FARS2: variants seen among roughly 807,000 people sequenced by gnomAD.
FARS2 encodes the protein phenylalanyl-tRNA synthetase 2, mitochondrial, also known as phenylalanine--tRNA ligase, mitochondrial.
FARS2 carries 40 observed loss-of-function variants against 46.4 expected under a neutral mutation model. The observed-to-expected ratio is 0.86, with a 90% CI of 0.67 to 1.12. The LOEUF (loss-of-function observed/expected upper bound fraction) is 1.12, where lower values mean the gene tolerates loss of function less well. Among genes scored for constraint, FARS2 ranks in the 50% most tolerant of loss-of-function variants. FARS2 has a pLI of 0.00. For synonymous variants in FARS2, 234 were observed against 214.9 expected (o/e 1.09, Z -0.78); for missense variants, 513 against 567.9 (o/e 0.90, Z 0.98).
intron 1 of FARS2, among the ~76,000 whole-genome samples, chr6:5,331,104 A>T (rs946419704): frequency 2.3e-5 from 2 of 87,102 alleles, no homozygotes; most frequent in South Asian, 2.7e-4. Context: ...AACTCCGTTT[A>T]AAAAAAAAAA....
intron 6 of FARS2, among the ~76,000 whole-genome samples, chr6:5,621,038 C>G (rs1775747142): frequency 6.6e-6 from 1 of 152,212 alleles, no homozygotes; most frequent in South Asian, 2.1e-4. Context: ...CCAATTGATT[C>G]TTGAGTTCTT....
At chr6:5,363,816 A>G (rs1343609596) in intron 1 of FARS2, among the ~76,000 whole-genome samples, 1 of 152,128 alleles carries the variant, frequency 6.6e-6, no homozygotes, top group African/African-American at 2.4e-5. Flanking sequence ...GTATTCTTCT[A>G]TCTTTTGCCC....
chr6:5,485,513 T>G (rs1766722028), intron 4 of FARS2, among the ~76,000 whole-genome samples: 1 of 135,932 alleles, frequency 7.4e-6, no homozygotes, highest in Admixed American at 7.4e-5. Flanking sequence ...CTTGAAATCC[T>G]TTTTCCTGGG....
chr6:5,548,727 A>G (rs1771189360), intron 5 of FARS2, among the ~76,000 whole-genome samples: 1 of 152,218 alleles, frequency 6.6e-6, no homozygotes, highest in Non-Finnish European at 1.5e-5. Context: ...TTTATGAGAC[A>G]CATAGAAATA....
chr6:5,503,534 A>G (rs983610029), intron 4 of FARS2, among the ~76,000 whole-genome samples: 11 of 151,934 alleles, frequency 7.2e-5, no homozygotes, highest in African/African-American at 1.7e-4. Context: ...CCGCAAGTAC[A>G]TATGATTTTA....
rs529307363 is a variant in FARS2 at position 5,396,433 on chromosome 6, G to A, written c.613-8109G>A. On this transcript the variant is annotated intron_variant, in intron 2 of 6. Transcript: ENST00000274680. ...AGGCTGGAATTTGGGGTTGTCAAGC[G>A]GAGTAATAATACTGTTTTGATTAAG... is the stretch of plus-strand genomic sequence containing the variant. 7.2e-5 allele frequency among the ~76,000 whole-genome samples: 11 copies of A among 152,238 alleles called. No homozygotes were observed. The East Asian group carries it at 1.3e-3, about 19-fold the overall frequency.
chr6:5,740,367 T>C (rs1352255229), intron 6 of FARS2, among the ~76,000 whole-genome samples: 1 of 152,214 alleles, frequency 6.6e-6, no homozygotes, highest in African/African-American at 2.4e-5. Flanking sequence ...GATGGTTTTT[T>C]GAAATACATG....
At chr6:5,389,961 T>C (rs1760393472) in intron 2 of FARS2, among the ~76,000 whole-genome samples, 2 of 152,190 alleles carry the variant, frequency 1.3e-5, no homozygotes, top group South Asian at 4.1e-4. Context: ...GCCTCCTGGG[T>C]TCAAGCAATC....
chr6:5,567,851 G>A (rs571903537), intron 5 of FARS2, among the ~76,000 whole-genome samples: 13 of 152,318 alleles, frequency 8.5e-5, no homozygotes, highest in East Asian at 1.9e-4. Flanking sequence ...TCACCTGACT[G>A]TTCTGTCACT....
intron 1 of FARS2, among the ~76,000 whole-genome samples, chr6:5,294,367 G>A (rs1422434044): frequency 1.3e-5 from 2 of 152,120 alleles, no homozygotes; most frequent in Non-Finnish European, 2.9e-5. Context: ...CTCTAACTGC[G>A]TTTTTCCTCT....
At chr6:5,470,377 G>T (rs1481360075) in intron 4 of FARS2, among the ~76,000 whole-genome samples, 1 of 152,128 alleles carries the variant, frequency 6.6e-6, no homozygotes, top group East Asian at 1.9e-4. Context: ...TTTATATGAG[G>T]GACTTGAGCA....
intron 5 of FARS2, among the ~76,000 whole-genome samples, chr6:5,573,395 G>GACAC (rs137921539): frequency 3.3e-5 from 5 of 151,368 alleles, no homozygotes; most frequent in Middle Eastern, 3.4e-3. Flanking sequence ...TTCTTTTATT[G>GACAC]ACACACACAC....
At chr6:5,375,498 A>G (rs1045183919) in intron 2 of FARS2, among the ~76,000 whole-genome samples, 2 of 152,086 alleles carry the variant, frequency 1.3e-5, no homozygotes, top group African/African-American at 2.4e-5. Context: ...AAATTAATCT[A>G]CAAATCCAGC....
intron 2 of FARS2, among the ~76,000 whole-genome samples, chr6:5,393,440 AG>A (rs1760703234): frequency 6.6e-6 from 1 of 151,976 alleles, no homozygotes; most frequent in Non-Finnish European, 1.5e-5. Context: ...GCGGATCGCG[AG>A]GTCAAGAGAT....
chr6:5,481,493 T>G (rs557776883), intron 4 of FARS2, among the ~76,000 whole-genome samples: 2 of 152,110 alleles, frequency 1.3e-5, no homozygotes, highest in African/African-American at 4.8e-5. Context: ...CTCAGTTCAT[T>G]GTTCTTAGAC....
At chr6:5,293,561 T>C (rs777899513) in intron 1 of FARS2, among the ~76,000 whole-genome samples, 2 of 152,204 alleles carry the variant, frequency 1.3e-5, no homozygotes, top group Non-Finnish European at 2.9e-5. Flanking sequence ...TACAAGAAAT[T>C]TGGATGATTT....
chr6:5,431,205 G>T, intron 4 of FARS2, 33 bp downstream of exon 4: 3 of 1,610,210 alleles, frequency 1.9e-6, no homozygotes, highest in Non-Finnish European at 1.7e-6. Flanking sequence ...ATTTACACGT[G>T]CTCTAAAGGA....
chr6:5,297,879 CG>C (rs1391818460), intron 1 of FARS2, among the ~76,000 whole-genome samples: 2 of 152,110 alleles, frequency 1.3e-5, no homozygotes. Flanking sequence ...AGCAAATATG[CG>C]TTGGTTCCTG....
At chr6:5,272,690 T>C (rs1289247687) in intron 1 of FARS2, among the ~76,000 whole-genome samples, 1 of 152,194 alleles carries the variant, frequency 6.6e-6, no homozygotes, top group Admixed American at 6.5e-5. Flanking sequence ...TTCTAGCTAT[T>C]TTGAAATATG....
Sources: allele counts gnomAD v4.1 joint callset (sites outside exome capture counted in the v4.1 genomes callset), GRCh38; gene constraint gnomAD v4.1.1; transcripts MANE v1.5; gene names NCBI Gene and HGNC (gene_info 2026-07-23, HGNC 2026-07-21).